The following ID4 variants were observed in gnomAD, a reference collection of about 807,000 sequenced individuals.
ID4 encodes inhibitor of DNA binding 4.
In ID4, 9 loss-of-function variants were observed where a neutral mutation model predicts 8.6. That is an observed-to-expected ratio of 1.04 (90% CI 0.63 to 1.82). The LOEUF (loss-of-function observed/expected upper bound fraction) is 1.82. Ranked by LOEUF, ID4 falls within the 40% of genes most tolerant of loss-of-function variation. The pLI is 0.00. For missense variants in ID4, 270 were observed against 235.1 expected (o/e 1.15, Z -0.97); for synonymous variants, 180 against 118.0 (o/e 1.53, Z -3.41).
intron 2 of ID4, chr6:19,838,887 T>C: frequency 1.8e-6 from 1 of 555,704 alleles, no homozygotes; most frequent in Non-Finnish European, 3.2e-6. Context: ...GTGTTTTTTC[T>C]GGTGGTCAGC....
Position 19,837,861 on chromosome 6 carries a change from G to C in ID4, c.107G>C (p.Gly36Ala), listed in dbSNP as rs1040046265. 7.9e-7 allele frequency: 1 copy of C among 1,260,314 alleles called. No homozygotes were observed. The highest frequency in any genetic ancestry group is 1.0e-6 in the Non-Finnish European group (1 of 1,003,184). 78.1% of individuals were successfully genotyped at this position (1,260,314 alleles called of 1,614,324 possible). Residue 36 changes from glycine (G) to alanine (A), a missense_variant, in exon 1 of 3, where the codon GGT (glycine) becomes GCT (alanine). Transcript: ENST00000378700. ...CTGGCCGAGCACGGCCACAGCCTGG[G>C]TGGCTCCGCAGCCGCGGCGGCGGCG... is the stretch of plus-strand genomic sequence containing the variant. The part of the protein sequence containing the change: ...RCLAEHGHSL[G>A]GSAAAAAAAA...
rs1263646806 is a variant in ID4, at chr6:19,839,783, C to CTG, written c.*590_*591dup. On this transcript the variant is annotated 3_prime_UTR_variant, in exon 3 of 3. Transcript: ENST00000378700. ...GAGAAAGTATATGCTTTAATAGATA[C>CTG]TGTAATTATAAGATATTTTTAATTA... is the stretch of plus-strand genomic sequence containing the variant. 2 of 152,118 alleles carry CTG rather than the reference C, an allele frequency of 1.3e-5. No homozygotes were observed. The highest frequency in any genetic ancestry group is 4.8e-5 in the African/African-American group (2 of 41,300). The allele number at this position is 152,118 out of a possible 1,614,324, so 9.4% of individuals were successfully genotyped here. A position where few individuals can be genotyped will look rare whatever the true frequency, so the allele number is the denominator to read the frequency against.
Position 19,840,455 on chromosome 6 carries a change from T to C in ID4, c.*1260T>C, listed in dbSNP as rs751171538. On this transcript the variant is annotated 3_prime_UTR_variant, in exon 3 of 3. Transcript: ENST00000378700. ...TGCTTTCCTTCCTCCAAAGAATTAA[T>C]AGGCAACAGTGGGAGAAAAAAAAGG... is the stretch of plus-strand genomic sequence containing the variant. 2.7e-5 allele frequency: 4 copies of C among 150,786 alleles called. No individual in the cohort carries two copies. Among genetic ancestry groups the C allele is most frequent in the Non-Finnish European group, 6.0e-5 (4 of 67,110 alleles). The allele number at this position is 150,786 out of a possible 1,614,324, so 9.3% of individuals were successfully genotyped here.
In ID4 at chr6:19,837,784, G is replaced by T. The variant is rs1207788027; in HGVS notation, c.30G>T (p.Ser10=). Residue 10 remains serine (S), a synonymous_variant, in exon 1 of 3, where the codon TCG becomes TCT. Coordinates refer to ENST00000378700, the MANE Select transcript of ID4 (RefSeq NM_001546.4). ...AGGCGGTGAGCCCGGTGCGCCCCTCGGGCCGCAAGGCGCCGTCGGGCTGCG... is the reference window on the plus strand; with the variant it reads ...AGGCGGTGAGCCCGGTGCGCCCCTCTGGCCGCAAGGCGCCGTCGGGCTGCG... MKAVSPVRP[S]GRKAPSGCGG... 1 of 1,127,908 alleles carries T rather than the reference G, an allele frequency of 8.9e-7. No individual in the cohort carries two copies. The highest frequency in any genetic ancestry group is 1.1e-6 in the Non-Finnish European group (1 of 922,358). 69.9% of individuals were successfully genotyped at this position (1,127,908 alleles called of 1,614,324 possible). A position where few individuals can be genotyped will look rare whatever the true frequency, so the allele number is the denominator to read the frequency against.
rs139260043 is a variant in ID4, at chr6:19,840,188, C to T, written c.*993C>T. The T allele has an allele frequency of 6.6e-6, 1 of 152,372 alleles. No individual in the cohort carries two copies. The highest frequency in any genetic ancestry group is 2.4e-5 in the African/African-American group (1 of 41,438). The allele number at this position is 152,372 out of a possible 1,614,324, so 9.4% of individuals were successfully genotyped here. On this transcript the variant is annotated 3_prime_UTR_variant, in exon 3 of 3. Coordinates refer to ENST00000378700, the MANE Select transcript of ID4 (RefSeq NM_001546.4). ...GTAAGTGTTTGTTTTTGTTTTTCAA[C>T]TGAGGTCAAAATGGATTCTGAATGA...
rs542602931 is a variant in ID4 at position 19,839,812 on chromosome 6, A to AT, written c.*624dup. 2 of 151,950 alleles carry AT rather than the reference A, an allele frequency of 1.3e-5. No individual in the cohort carries two copies. The highest frequency in any genetic ancestry group is 1.5e-5 in the Non-Finnish European group (1 of 67,858). 9.4% of individuals were successfully genotyped at this position (151,950 alleles called of 1,614,324 possible). A position where few individuals can be genotyped will look rare whatever the true frequency, so the allele number is the denominator to read the frequency against. The stretch of plus-strand genomic sequence containing the variant: ...AATTATAAGATATTTTTAATTAAAT[A>AT]TTTTTTTGTAAATATTATGTGTGTG... On this transcript the variant is annotated 3_prime_UTR_variant, in exon 3 of 3. Transcript: ENST00000378700.
In ID4 at chr6:19,837,811, C is replaced by T. The variant is rs2113463566; in HGVS notation, c.57C>T (p.Gly19=). Residue 19 remains glycine, a synonymous_variant, in exon 1 of 3, where the codon GGC becomes GGT. Transcript: ENST00000378700. ...GCCGCAAGGCGCCGTCGGGCTGCGG[C>T]GGCGGGGAGCTGGCGCTGCGCTGCC... is the stretch of plus-strand genomic sequence containing the variant. ...PSGRKAPSGC[G]GGELALRCLA... The T allele has an allele frequency of 8.8e-7, 1 of 1,134,802 alleles. No homozygotes were observed. The highest frequency in any genetic ancestry group is 1.1e-6 in the Non-Finnish European group (1 of 926,728). The allele number at this position is 1,134,802 out of a possible 1,614,324, so 70.3% of individuals were successfully genotyped here.
At position 19,837,932 on chromosome 6, in the gene ID4, C is replaced by G; in HGVS notation, c.178C>G (p.Pro60Ala). 6.8e-7 allele frequency: 1 copy of G among 1,475,502 alleles called. No homozygotes were observed. Among genetic ancestry groups the G allele is most frequent in the Non-Finnish European group, 9.0e-7 (1 of 1,108,352 alleles). 91.4% of individuals were successfully genotyped at this position (1,475,502 alleles called of 1,614,324 possible). A position where few individuals can be genotyped will look rare whatever the true frequency, so the allele number is the denominator to read the frequency against. ...GGCGGCCGAGGCGGCGGCCGACGAG[C>G]CGGCGCTGTGCCTGCAGTGCGATAT... ...CKAAEAAADE[P>A]ALCLQCDMND... The change falls in exon 1 of 3, where the codon CCG (proline) becomes GCG (alanine). Residue 60 changes from proline to alanine, a missense_variant. Transcript: ENST00000378700.
At position 19,838,320 on chromosome 6, in the gene ID4, C is replaced by T. The variant is rs1007536798; in HGVS notation, c.441+125C>T. On this transcript the variant is annotated intron_variant, in intron 1 of 2. Transcript: ENST00000378700. ...CGGGCCAGGAATGACAGCCCCCTCC[C>T]CCTGCTCCTCCGGGCTCCCCCGGGC... The T allele has an allele frequency of 1.3e-4, 135 of 1,044,104 alleles. No homozygotes were observed. The East Asian group carries it at 4.1e-3, about 32-fold the overall frequency. 64.7% of individuals were successfully genotyped at this position (1,044,104 alleles called of 1,614,324 possible).
In ID4 at chr6:19,837,689, C is replaced by T. The variant is rs1761247560; in HGVS notation, c.-66C>T. ...AGCGGAGCCGGCCGCGGACGGGGCC[C>T]GGAGCTTGCCTGCCTCCCTCGCTCG... On this transcript the variant is annotated 5_prime_UTR_variant, in exon 1 of 3. Transcript: ENST00000378700. 1.9e-6 allele frequency: 2 copies of T among 1,044,426 alleles called. No individual in the cohort carries two copies. Among genetic ancestry groups the T allele is most frequent in the Non-Finnish European group, 2.3e-6 (2 of 860,996 alleles). 64.7% of individuals were successfully genotyped at this position (1,044,426 alleles called of 1,614,324 possible). A position where few individuals can be genotyped will look rare whatever the true frequency, so the allele number is the denominator to read the frequency against.
chr6:19,838,584 G>A lies in ID4; in HGVS notation c.442G>A (p.Ala148Thr), dbSNP rs776706717. ...CCTTGGTGTTCGGTTGCTGTTCCAG[G>A]CCGGCGCGGTGAACAAGCAGGGCGA... Reference protein sequence around the residue: ...TPLTALNTDPAGAVNKQGDSI... With the variant: ...TPLTALNTDPTGAVNKQGDSI... Residue 148 changes from alanine to threonine, a missense_variant and splice_region_variant, in exon 2 of 3, where the codon GCC becomes ACC. By Grantham distance (58) the Ala-to-Thr change is moderately conservative. Transcript: ENST00000378700. The A allele has an allele frequency of 1.3e-5, 21 of 1,613,988 alleles. No homozygotes were observed. Among genetic ancestry groups the A allele is most frequent in the Non-Finnish European group, 1.8e-5 (21 of 1,179,888 alleles).
rs1159783704 is a variant in ID4, at chr6:19,840,443, C to T, written c.*1248C>T. The T allele has an allele frequency of 1.3e-5, 2 of 152,180 alleles. No homozygotes were observed. The highest frequency in any genetic ancestry group is 2.9e-5 in the Non-Finnish European group (2 of 67,894). 9.4% of individuals were successfully genotyped at this position (152,180 alleles called of 1,614,324 possible). On this transcript the variant is annotated 3_prime_UTR_variant, in exon 3 of 3. Transcript: ENST00000378700. ...ATGAACACTTTCTGCTTTCCTTCCTCCAAAGAATTAATAGGCAACAGTGGG... is the reference window on the plus strand; with the variant it reads ...ATGAACACTTTCTGCTTTCCTTCCTTCAAAGAATTAATAGGCAACAGTGGG...
At position 19,838,729 on chromosome 6, in the gene ID4, T is replaced by C. The variant is rs1761287956; in HGVS notation, c.*14+87T>C. ...CCGGGGCCAGGCACCGCGGTGTTCT[T>C]TGCCCCCAGCGTTTCTGAGAGCAAA... is the stretch of plus-strand genomic sequence containing the variant. On this transcript the variant is annotated intron_variant, in intron 2 of 2. Coordinates refer to ENST00000378700, the MANE Select transcript of ID4 (RefSeq NM_001546.4). The C allele has an allele frequency of 3.3e-6, 4 of 1,196,706 alleles. No individual in the cohort carries two copies. The Admixed American group carries it at 7.5e-5, about 22-fold the overall frequency. The allele number at this position is 1,196,706 out of a possible 1,614,324, so 74.1% of individuals were successfully genotyped here. A position where few individuals can be genotyped will look rare whatever the true frequency, so the allele number is the denominator to read the frequency against.
Position 19,840,527 on chromosome 6 carries a change from ATTAACT to A in ID4, c.*1334_*1339del, listed in dbSNP as rs1298964004. On this transcript the variant is annotated 3_prime_UTR_variant, in exon 3 of 3. Coordinates refer to ENST00000378700, the MANE Select transcript of ID4 (RefSeq NM_001546.4). ...CAGGGATAAAAGTCGATCTTCAAAC[ATTAACT>A]TAAGCAGACCAAAAATTCTGATGAC... The A allele has an allele frequency of 5.2e-5, 8 of 152,624 alleles. No individual in the cohort carries two copies. Among genetic ancestry groups the A allele is most frequent in the Non-Finnish European group, 8.8e-5 (6 of 68,006 alleles). 9.5% of individuals were successfully genotyped at this position (152,624 alleles called of 1,614,324 possible).
chr6:19,840,166 A>C lies in ID4; in HGVS notation c.*971A>C, dbSNP rs1561854654. ...TTTATAGTGTAATATATACAGAGTA[A>C]GTGTTTGTTTTTGTTTTTCAACTGA... On this transcript the variant is annotated 3_prime_UTR_variant, in exon 3 of 3. Transcript: ENST00000378700. 6.6e-6 allele frequency: 1 copy of C among 152,462 alleles called. No individual in the cohort carries two copies. Among genetic ancestry groups the C allele is most frequent in the East Asian group, 1.9e-4 (1 of 5,190 alleles). 9.4% of individuals were successfully genotyped at this position (152,462 alleles called of 1,614,324 possible).
In ID4 at chr6:19,837,642, C is replaced by A; in HGVS notation, c.-113C>A. 1.4e-6 allele frequency: 1 copy of A among 705,588 alleles called. No homozygotes were observed. The highest frequency in any genetic ancestry group is 1.8e-6 in the Non-Finnish European group (1 of 558,454). 43.7% of individuals were successfully genotyped at this position (705,588 alleles called of 1,614,324 possible). A position where few individuals can be genotyped will look rare whatever the true frequency, so the allele number is the denominator to read the frequency against. On this transcript the variant is annotated 5_prime_UTR_variant, in exon 1 of 3. Transcript: ENST00000378700. ...CGGGAGTGTCGCGGTGCCCCGAGCG[C>A]GCCGGGCGCGGAGGCAAAGGGAGCG...
rs981246524 is a variant in ID4 at position 19,838,925 on chromosome 6, A to AG, written c.*15-282dup. On this transcript the variant is annotated intron_variant, in intron 2 of 2. Coordinates refer to ENST00000378700, the MANE Select transcript of ID4 (RefSeq NM_001546.4). ...GCTCTTCTGCCTTCCCTAGTTCCCG[A>AG]GGGAGGGCACCCTCGTGGGCATGGG... The AG allele has an allele frequency of 5.2e-5, 25 of 481,060 alleles. No homozygotes were observed. In the East Asian group the frequency reaches 8.9e-4, roughly 17 times the overall value. The allele number at this position is 481,060 out of a possible 1,614,324, so 29.8% of individuals were successfully genotyped here.
chr6:19,838,118 G>C lies in ID4; in HGVS notation c.364G>C (p.Ala122Pro). 6.3e-7 allele frequency: 1 copy of C among 1,585,758 alleles called. No homozygotes were observed. The highest frequency in any genetic ancestry group is 8.6e-7 in the Non-Finnish European group (1 of 1,167,472). Reference sequence around the variant, plus strand: ...CCTGCTGAGGCAGCCACCACCGCCCGCGCCGCCACACCACCCGGCCGGGAC... The same window carrying C: ...CCTGCTGAGGCAGCCACCACCGCCCCCGCCGCCACACCACCCGGCCGGGAC... ...PALLRQPPPP[A>P]PPHHPAGTCP... Residue 122 changes from alanine (A) to proline (P), a missense_variant, in exon 1 of 3, where the codon GCG (alanine) becomes CCG (proline). Transcript: ENST00000378700.
rs1197355335 is a variant in ID4, at chr6:19,839,556, G to A, written c.*361G>A. The A allele has an allele frequency of 6.6e-6, 1 of 152,466 alleles. No homozygotes were observed. The highest frequency in any genetic ancestry group is 2.4e-5 in the African/African-American group (1 of 41,396). The allele number at this position is 152,466 out of a possible 1,614,324, so 9.4% of individuals were successfully genotyped here. Reference sequence around the variant, plus strand: ...AGATCCGACTTTAGAAGCCTACTTTGTGACCAAGGAGCTCAATTTTTGTTT... The same window carrying A: ...AGATCCGACTTTAGAAGCCTACTTTATGACCAAGGAGCTCAATTTTTGTTT... On this transcript the variant is annotated 3_prime_UTR_variant, in exon 3 of 3. Coordinates refer to ENST00000378700, the MANE Select transcript of ID4 (RefSeq NM_001546.4).
Sources: gnomAD v4.1 joint callset for allele counts on GRCh38, gnomAD v4.1.1 for gene constraint, MANE v1.5 for transcripts, NCBI Gene and HGNC (gene_info 2026-07-23, HGNC 2026-07-21) for gene names.